Variants in TTLL1 observed in about 807,000 individuals in gnomAD.
TTLL1 encodes the protein polyglutamylase complex subunit TTLL1.
TTLL1 carries 33 observed loss-of-function variants against 47.8 expected under a neutral mutation model. That is an observed-to-expected ratio of 0.69 (90% confidence interval 0.52 to 0.92). The LOEUF is 0.92. Ranked by LOEUF, TTLL1 falls within the 40% of genes least tolerant of loss-of-function variation. The probability of loss-of-function intolerance (pLI) is 0.00; values close to 1 mark genes in which losing one functional copy is unlikely to be tolerated. For missense variants in TTLL1, 488 were observed against 547.5 expected, an observed-to-expected ratio of 0.89 and a Z score of 1.08; for synonymous variants, 225 against 214.1, an observed-to-expected ratio of 1.05 and a Z score of -0.45.
intron 10 of TTLL1, among the ~76,000 whole-genome samples, chr22:43,045,638 C>A (rs560347345): frequency 6.6e-6 from 1 of 152,020 alleles, no homozygotes; most frequent in African/African-American, 2.4e-5. Flanking sequence ...GGTGGACAAA[C>A]TGAGGCTCAA....
intron 3 of TTLL1, 194 bp from the exon 4 acceptor site, chr22:43,070,038 TG>T: frequency 8.5e-7 from 1 of 1,181,968 alleles, no homozygotes; most frequent in Non-Finnish European, 1.2e-6. Flanking sequence ...GGGACCCAAG[TG>T]GTGTGAGGGC....
intron 5 of TTLL1, among the ~76,000 whole-genome samples, chr22:43,067,204 C>T (rs1927794512): frequency 6.6e-6 from 1 of 152,194 alleles, no homozygotes; most frequent in Non-Finnish European, 1.5e-5. Context: ...CACTGCCCCA[C>T]CACTTGCTCG....
chr22:43,075,981 G>C (rs896773428), intron 2 of TTLL1, among the ~76,000 whole-genome samples: 2 of 152,220 alleles, frequency 1.3e-5, no homozygotes, highest in African/African-American at 4.8e-5. Context: ...AGCCACAAAG[G>C]AGGGGCACAT....
chr22:43,066,816 C>T (rs1368949612), intron 5 of TTLL1, among the ~76,000 whole-genome samples: 1 of 151,580 alleles, frequency 6.6e-6, no homozygotes, highest in Non-Finnish European at 1.5e-5. Context: ...ATGGTAAAAC[C>T]CCATCTCTAC....
chr22:43,066,158 C>CAAA (rs34092819), intron 5 of TTLL1, among the ~76,000 whole-genome samples: 14 of 93,462 alleles, frequency 1.5e-4, no homozygotes, highest in Admixed American at 3.5e-4. Context: ...GACACTGTCT[C>CAAA]AAAAAAAAAA....
chr22:43,088,324 C>CTTTTTTTTTTTTTTTTT lies in TTLL1; in HGVS notation c.-90+936_-90+952dup, dbSNP rs1167618669. ...AATTTGAGGGCAGAGAAGGGCCCAT[C>CTTTTTTTTTTTTTTTTT]TTTTTTTTTTTTTTTTTTTTTTTTT... On this transcript the variant is annotated intron_variant, in intron 1 of 10. Coordinates refer to ENST00000266254, the MANE Select transcript of TTLL1 (RefSeq NM_012263.5). 3.9e-4 allele frequency among the ~76,000 whole-genome samples: 22 copies of CTTTTTTTTTTTTTTTTT among 56,490 alleles called. 2 individuals are homozygous for CTTTTTTTTTTTTTTTTT. The highest frequency in any genetic ancestry group is 1.6e-3 in the African/African-American group (22 of 13,662). The allele number at this position is 56,490 out of a possible 152,430, so 37.1% of individuals were successfully genotyped here. A position where few individuals can be genotyped will look rare whatever the true frequency, so the allele number is the denominator to read the frequency against.
chr22:43,057,719 C>T (rs563999665), intron 8 of TTLL1, among the ~76,000 whole-genome samples: 10 of 146,812 alleles, frequency 6.8e-5, no homozygotes, highest in South Asian at 2.1e-4. Flanking sequence ...CAAAAGACCA[C>T]GAAACTGACA....
chr22:43,083,087 C>T (rs796773554), intron 1 of TTLL1, among the ~76,000 whole-genome samples: 23 of 151,998 alleles, frequency 1.5e-4, no homozygotes, highest in African/African-American at 4.8e-4. Context: ...CATATATAGG[C>T]TGGGCGCAGC....
chr22:43,054,340 A>G (rs967610316), intron 8 of TTLL1, among the ~76,000 whole-genome samples: 2 of 152,094 alleles, frequency 1.3e-5, no homozygotes, highest in African/African-American at 4.8e-5. Flanking sequence ...ACGAACCCAC[A>G]CACTGTGCTC....
chr22:43,059,517 T>C lies in TTLL1; in HGVS notation c.758A>G (p.Asn253Ser). 13 of 1,613,156 alleles carry C rather than the reference T, an allele frequency of 8.1e-6. No individual in the cohort carries two copies. The highest frequency in any genetic ancestry group is 1.0e-5 in the Non-Finnish European group (12 of 1,179,574). The change falls in exon 8 of 11, where the codon AAC becomes AGC. Residue 253 changes from asparagine to serine, a missense_variant. Coordinates refer to ENST00000266254, the MANE Select transcript of TTLL1 (RefSeq NM_012263.5). ...VAIQKHGEDYNHIHGGKWTVS... is the reference protein window; with the variant it reads ...VAIQKHGEDYSHIHGGKWTVS... ...TGTCCACTTGCCCCCATGGATGTGG[T>C]TGTAGTCCTCCTGGTGACGGGAAAG... is the stretch of plus-strand genomic sequence containing the variant.
intron 10 of TTLL1, among the ~76,000 whole-genome samples, chr22:43,043,272 G>A (rs1363396288): frequency 6.6e-6 from 1 of 152,010 alleles, no homozygotes; most frequent in East Asian, 1.9e-4. Context: ...GAAATGGCGA[G>A]TCTGGCCCAC....
At chr22:43,063,753 A>C (rs1927541886) in intron 7 of TTLL1, 60 bp downstream of exon 7, 22 of 1,545,326 alleles carry the variant, frequency 1.4e-5, no homozygotes, top group South Asian at 7.8e-5. Context: ...GGCGTGAGCC[A>C]CCACACCCGG....
intron 3 of TTLL1, chr22:43,070,175 T>C: frequency 1.5e-6 from 2 of 1,370,430 alleles, no homozygotes; most frequent in Non-Finnish European, 1.9e-6. Context: ...ATATACCCTT[T>C]TCAGACTCTG....
intron 8 of TTLL1, among the ~76,000 whole-genome samples, chr22:43,057,952 ATTT>A (rs147174964): frequency 1.7e-5 from 2 of 121,096 alleles, no homozygotes; most frequent in South Asian, 2.8e-4. Flanking sequence ...ATATATATAT[ATTT>A]TTTTTTTTCT....
In TTLL1 at chr22:43,046,419, T is replaced by G. The variant is rs1283147799; in HGVS notation, c.1133A>C (p.Tyr378Ser). ...TCACACACACACTTACAGAATCTCG[T>G]AATTGCCGAGGACTTCCTTAGGTGG... The part of the protein sequence containing the change: ...KSPPKEVLGN[Y>S]EILYDEELAQ... Residue 378 changes from tyrosine to serine, a missense_variant, in exon 10 of 11, where the codon TAC (tyrosine) becomes TCC (serine). Tyr to Ser is a moderately radical substitution (Grantham distance 144, BLOSUM62 -2). Coordinates refer to ENST00000266254, the MANE Select transcript of TTLL1 (RefSeq NM_012263.5). The G allele has an allele frequency of 6.2e-7, 1 of 1,614,044 alleles. No individual in the cohort carries two copies. The highest frequency in any genetic ancestry group is 2.2e-5 in the East Asian group (1 of 44,880).
At chr22:43,061,728 C>T (rs1024722453) in intron 7 of TTLL1, among the ~76,000 whole-genome samples, 8 of 152,174 alleles carry the variant, frequency 5.3e-5, no homozygotes, top group Admixed American at 3.9e-4. Context: ...ACTGCCCTCA[C>T]GCCAGGGGCT....
In TTLL1 at chr22:43,067,536, C is replaced by T. The variant is rs1927818749; in HGVS notation, c.503+874G>A. Among the ~76,000 whole-genome samples, 6 of 152,316 alleles carry T rather than the reference C, an allele frequency of 3.9e-5. No homozygotes were observed. The South Asian group carries it at 1.2e-3, about 32-fold the overall frequency. On this transcript the variant is annotated intron_variant, in intron 5 of 10. Transcript: ENST00000266254. ...GTGGCTGCAGGCCCTGGCCCATGAC[C>T]TACACCCTTCTTCATGGCCTGCCTT...
At chr22:43,062,911 C>T (rs1267906409) in intron 7 of TTLL1, among the ~76,000 whole-genome samples, 1 of 152,148 alleles carries the variant, frequency 6.6e-6, no homozygotes, top group Admixed American at 6.6e-5. Flanking sequence ...AGAACACTTA[C>T]AATAGCCTGA....
intron 9 of TTLL1, among the ~76,000 whole-genome samples, chr22:43,047,903 GC>G (rs1363120639): frequency 5.9e-5 from 9 of 152,228 alleles, no homozygotes; most frequent in Non-Finnish European, 8.8e-5. Context: ...TGTCTGTGCT[GC>G]TAGCAGTGTA....
Sources: gnomAD v4.1 joint callset for allele counts (sites outside exome capture counted in the v4.1 genomes callset) on GRCh38, gnomAD v4.1.1 for gene constraint, MANE v1.5 for transcripts, NCBI Gene and HGNC (gene_info 2026-07-23, HGNC 2026-07-21) for gene names.